FAM193A: variants seen among roughly 807,000 people sequenced by gnomAD.
FAM193A encodes protein FAM193A.
FAM193A carries 22 observed loss-of-function variants against 126.5 expected under a neutral mutation model. That is an observed-to-expected ratio of 0.17 (90% CI 0.12 to 0.25). FAM193A has a LOEUF of 0.25. Ranked by LOEUF, FAM193A falls within the 10% of genes least tolerant of loss-of-function variation. The probability of loss-of-function intolerance (pLI) is 1.00; values close to 1 mark genes in which losing one functional copy is unlikely to be tolerated. For synonymous variants in FAM193A, 761 were observed against 646.8 expected (o/e 1.18, Z -2.68); for missense variants, 1,675 against 1,672.8 (o/e 1.00, Z -0.02).
At chr4:2,645,584 T>C (rs1745055668) in intron 6 of FAM193A, among the ~76,000 whole-genome samples, 2 of 152,158 alleles carry the variant, frequency 1.3e-5, no homozygotes. Flanking sequence ...TGGAGTGCAG[T>C]GGCGCGATCT....
chr4:2,548,703 G>A (rs915537769), intron 1 of FAM193A, among the ~76,000 whole-genome samples: 2 of 150,218 alleles, frequency 1.3e-5, no homozygotes, highest in African/African-American at 4.9e-5. Flanking sequence ...GTGATCTACC[G>A]GCCTCAGCCT....
rs1736919512 is a variant in FAM193A, at chr4:2,537,073, G to A, written c.158G>A (p.Gly53Asp). The stretch of plus-strand genomic sequence containing the variant: ...CAGGCCGCGGGCCTGGCGGCCCCGG[G>A]CAGCGCGGCAGGCCTGGTGGGCGGC... ...GSQAAGLAAPGSAAGLVGGAA... is the reference protein window; with the variant it reads ...GSQAAGLAAPDSAAGLVGGAA... Residue 53 changes from glycine to aspartate, a missense_variant, in exon 1 of 21, where the codon GGC (glycine) becomes GAC (aspartate). This residue lies in a region of FAM193A where 1,186 missense variants were observed against 1,109.2 expected (regional missense o/e 1.07). Transcript: ENST00000637812. 1 of 147,088 alleles carries A rather than the reference G, an allele frequency of 6.8e-6. No homozygotes were observed. Among genetic ancestry groups the A allele is most frequent in the South Asian group, 1.8e-4 (1 of 5,540 alleles). The allele number at this position is 147,088 out of a possible 1,614,324, so 9.1% of individuals were successfully genotyped here.
At chr4:2,713,773 C>G (rs962805528) in intron 19 of FAM193A, among the ~76,000 whole-genome samples, 3 of 152,174 alleles carry the variant, frequency 2.0e-5, no homozygotes, top group African/African-American at 7.2e-5. Flanking sequence ...GAAGCTCATC[C>G]TCAGGCAGTG....
chr4:2,603,371 G>A (rs1178148442), intron 2 of FAM193A, among the ~76,000 whole-genome samples: 1 of 149,500 alleles, frequency 6.7e-6, no homozygotes, highest in Non-Finnish European at 1.5e-5. Flanking sequence ...CGCAACCTCC[G>A]CCTCTTGGGT....
At chr4:2,677,234 C>G (rs1714513648) in intron 13 of FAM193A, among the ~76,000 whole-genome samples, 1 of 152,130 alleles carries the variant, frequency 6.6e-6, no homozygotes, top group African/African-American at 2.4e-5. Context: ...ATCTTGCCAT[C>G]CTTGTCAAAA....
intron 5 of FAM193A, 38 bp from the exon 6 acceptor site, chr4:2,639,697 C>G (rs1440606441): frequency 6.3e-7 from 1 of 1,581,898 alleles, no homozygotes; most frequent in Non-Finnish European, 8.6e-7. Context: ...TAGCAATTCA[C>G]TACATCTTCT....
chr4:2,550,519 C>G (rs1462146989), intron 1 of FAM193A, among the ~76,000 whole-genome samples: 1 of 152,018 alleles, frequency 6.6e-6, no homozygotes, highest in African/African-American at 2.4e-5. Flanking sequence ...TCACTGCAAC[C>G]TCTGCCTCCC....
chr4:2,579,785 G>T (rs765176690), intron 1 of FAM193A, among the ~76,000 whole-genome samples: 2 of 152,168 alleles, frequency 1.3e-5, no homozygotes, highest in East Asian at 3.8e-4. Context: ...ATAACAGATG[G>T]TGGTGAGGTT....
intron 2 of FAM193A, among the ~76,000 whole-genome samples, chr4:2,617,647 C>T (rs79950193): frequency 0.012 from 1,801 of 152,140 alleles, 16 homozygotes; most frequent in South Asian, 0.026. Context: ...AATTTTTTAG[C>T]TATAGCTTCC....
chr4:2,693,570 G>A lies in FAM193A; in HGVS notation c.2804-16G>A, dbSNP rs751781756. 82 of 1,598,914 alleles carry A rather than the reference G, an allele frequency of 5.1e-5. No homozygotes were observed. The highest frequency in any genetic ancestry group is 4.9e-4 in the South Asian group (44 of 90,152). On this transcript the variant is annotated splice_polypyrimidine_tract_variant and intron_variant, in intron 15 of 20. Transcript: ENST00000637812. Reference sequence around the variant, plus strand: ...TGAAACAAACTTGGCAGTGACTCTCGCCTCTCTAAATGCAGGTGACGTGTT... The same window carrying A: ...TGAAACAAACTTGGCAGTGACTCTCACCTCTCTAAATGCAGGTGACGTGTT...
rs914038415 is a variant in FAM193A, at chr4:2,732,347, G to A, written c.*479G>A. The stretch of plus-strand genomic sequence containing the variant: ...TACTGTCTCCGAGTGTACACGTTGC[G>A]CTGTTTGTGTTTGATCCCCCTGACT... On this transcript the variant is annotated 3_prime_UTR_variant, in exon 21 of 21. Transcript: ENST00000637812. 5 of 182,530 alleles carry A rather than the reference G, an allele frequency of 2.7e-5. No individual in the cohort carries two copies. Among genetic ancestry groups the A allele is most frequent in the East Asian group, 1.5e-4 (1 of 6,498 alleles). 11.3% of individuals were successfully genotyped at this position (182,530 alleles called of 1,614,324 possible).
chr4:2,657,513 A>G (rs983848897), intron 7 of FAM193A, among the ~76,000 whole-genome samples: 14 of 152,358 alleles, frequency 9.2e-5, no homozygotes, highest in African/African-American at 2.6e-4. Context: ...TTCAGTAAAT[A>G]GTGAATGTTC....
At chr4:2,713,233 C>T (rs1426913686) in intron 19 of FAM193A, among the ~76,000 whole-genome samples, 1 of 151,640 alleles carries the variant, frequency 6.6e-6, no homozygotes, top group Non-Finnish European at 1.5e-5. Flanking sequence ...GGTGAAAACC[C>T]TGTCTCTACT....
Position 2,690,834 on chromosome 4 carries a change from C to T in FAM193A, c.2667C>T (p.Phe889=). The T allele has an allele frequency of 6.2e-7, 1 of 1,614,188 alleles. No individual in the cohort carries two copies. The highest frequency in any genetic ancestry group is 8.5e-7 in the Non-Finnish European group (1 of 1,180,042). Residue 889 remains phenylalanine (F), a synonymous_variant, in exon 15 of 21, where the codon TTC becomes TTT. Transcript: ENST00000637812. The part of the protein sequence containing the change: ...NAAKKKCLYN[F]QDAFMEANKV... ...CAAAAAAGAAATGTTTATACAATTT[C>T]CAAGATGCTTTCATGGAAGCAAATA...
rs753272032 is a variant in FAM193A, at chr4:2,639,724, T to C, written c.1039-11T>C. The stretch of plus-strand genomic sequence containing the variant: ...ACATCTTCTGTTTATCTTTTACTTT[T>C]TCTTAACCAGGAAAATGAACACTTG... On this transcript the variant is annotated splice_polypyrimidine_tract_variant and intron_variant, in intron 5 of 20. Transcript: ENST00000637812. 5.0e-6 allele frequency: 8 copies of C among 1,606,214 alleles called. No individual in the cohort carries two copies. The South Asian group carries it at 8.8e-5, about 18-fold the overall frequency.
chr4:2,711,327 TTTTG>T lies in FAM193A; in HGVS notation c.4373-4676_4373-4673del, dbSNP rs545625478. Among the ~76,000 whole-genome samples the T allele has an allele frequency of 3.3e-3, 496 of 151,916 alleles. 3 individuals are homozygous for T. The highest frequency in any genetic ancestry group is 3.8e-3 in the Non-Finnish European group (260 of 67,916). On this transcript the variant is annotated intron_variant, in intron 19 of 20. Transcript: ENST00000637812. ...GGAATCTGATAGATAATTTTTCCTT[TTTTG>T]TTTGTTTGTTTGTTTGTTTTGTTTT...
At chr4:2,691,995 GT>G (rs1716440327) in intron 15 of FAM193A, among the ~76,000 whole-genome samples, 1 of 152,106 alleles carries the variant, frequency 6.6e-6, no homozygotes, top group Admixed American at 6.6e-5. Context: ...ATTCATGGAG[GT>G]TAACAAGGGA....
At position 2,537,060 on chromosome 4, in the gene FAM193A, C is replaced by T. The variant is rs1736918274; in HGVS notation, c.145C>T (p.Leu49=). Residue 49 remains leucine, a synonymous_variant, in exon 1 of 21, where the codon CTG becomes TTG. Coordinates refer to ENST00000637812, the MANE Select transcript of FAM193A (RefSeq NM_001366318.2). The part of the protein sequence containing the change: ...AALRGSQAAG[L]AAPGSAAGLV... ...GCTGCGCGGTTCCCAGGCCGCGGGC[C>T]TGGCGGCCCCGGGCAGCGCGGCAGG... 6.8e-6 allele frequency: 1 copy of T among 146,716 alleles called. No homozygotes were observed. Among genetic ancestry groups the T allele is most frequent in the Non-Finnish European group, 1.5e-5 (1 of 65,782 alleles). 9.1% of individuals were successfully genotyped at this position (146,716 alleles called of 1,614,324 possible).
rs546771643 is a variant in FAM193A at position 2,559,906 on chromosome 4, G to C, written c.255+22736G>C. ...TAGTGCGGCCTGCGTGGCCTGATCG[G>C]GCCGGGTTTTTCTTGCCTCTGCGCC... On this transcript the variant is annotated intron_variant, in intron 1 of 20. Transcript: ENST00000637812. Among the ~76,000 whole-genome samples, 5 of 152,174 alleles carry C rather than the reference G, an allele frequency of 3.3e-5. No individual in the cohort carries two copies. The South Asian group carries it at 1.0e-3, about 32-fold the overall frequency.
Sources: allele counts gnomAD v4.1 joint callset (sites outside exome capture counted in the v4.1 genomes callset), GRCh38; gene constraint gnomAD v4.1.1; regional missense constraint gnomAD v4.1.1; transcripts MANE v1.5; gene names NCBI Gene and HGNC (gene_info 2026-07-23, HGNC 2026-07-21).